The following SPTLC1 variants were observed in gnomAD, a reference collection of about 807,000 sequenced individuals.
SPTLC1 encodes the protein serine palmitoyltransferase long chain base subunit 1.
Under a neutral mutation model 68.9 loss-of-function variants are expected in SPTLC1, and 55 were observed. The ratio of observed to expected loss-of-function variants is 0.80; its 90% CI spans 0.64 to 1.00. SPTLC1 has a LOEUF of 1.00. Among genes scored for constraint, SPTLC1 ranks in the 50% least tolerant of loss-of-function variants. The probability of loss-of-function intolerance (pLI) is 0.00; values close to 1 mark genes in which losing one functional copy is unlikely to be tolerated. For synonymous variants in SPTLC1, 197 were observed against 201.6 expected, an observed-to-expected ratio of 0.98 and a Z score of 0.19; for missense variants, 449 against 573.1, an observed-to-expected ratio of 0.78 and a Z score of 2.21.
chr9:92,042,167 A>T lies in SPTLC1; in HGVS notation c.1137-3802T>A, dbSNP rs534012731. On this transcript the variant is annotated intron_variant, in intron 12 of 14. Transcript: ENST00000262554. ...TAAAAGCTACTCACCAAAAACCCAT[A>T]GCATGATGTTTTATACTTAATGAAG... 3.9e-5 allele frequency among the ~76,000 whole-genome samples: 6 copies of T among 152,338 alleles called. No homozygotes were observed. In the East Asian group the frequency reaches 1.2e-3, roughly 29 times the overall value.
At chr9:92,045,930 A>G in intron 12 of SPTLC1, 69 bp downstream of exon 12, 1 of 1,458,758 alleles carries the variant, frequency 6.9e-7, no homozygotes, top group Non-Finnish European at 9.5e-7. Context: ...TAGAAATTTA[A>G]AACTTTCCAT....
At chr9:92,039,800 G>A (rs540495486) in intron 12 of SPTLC1, among the ~76,000 whole-genome samples, 14 of 152,166 alleles carry the variant, frequency 9.2e-5, no homozygotes, top group African/African-American at 3.1e-4. Context: ...ATCTGACCTG[G>A]CCTTCCAATC....
intron 6 of SPTLC1, among the ~76,000 whole-genome samples, chr9:92,065,533 C>A: frequency 6.6e-6 from 1 of 151,260 alleles, no homozygotes; most frequent in South Asian, 2.1e-4. Context: ...AAAAAAAAAA[C>A]ACAATGTAGT....
intron 3 of SPTLC1, among the ~76,000 whole-genome samples, chr9:92,084,900 T>C (rs1245652051): frequency 6.6e-6 from 1 of 152,232 alleles, no homozygotes; most frequent in Non-Finnish European, 1.5e-5. Flanking sequence ...AAGCTATTGA[T>C]TATTGCCACA....
intron 3 of SPTLC1, among the ~76,000 whole-genome samples, chr9:92,106,257 A>T (rs543712972): frequency 1.5e-4 from 23 of 151,922 alleles, no homozygotes; most frequent in Admixed American, 7.2e-4. Context: ...CTTTTTAATT[A>T]AAAAAAAGGA....
chr9:92,108,666 A>G lies in SPTLC1; in HGVS notation c.260+74T>C. 1.0e-5 allele frequency: 16 copies of G among 1,585,474 alleles called. No homozygotes were observed. The South Asian group carries it at 1.8e-4, about 18-fold the overall frequency. On this transcript the variant is annotated intron_variant, in intron 3 of 14. Coordinates refer to ENST00000262554, the MANE Select transcript of SPTLC1 (RefSeq NM_006415.4). ...TTTCAGATAAAAAAAGGACTACTAC[A>G]TATAAAGCACTATAGACTGCAGGTT...
At chr9:92,060,292 T>C (rs751249709) in intron 6 of SPTLC1, among the ~76,000 whole-genome samples, 10 of 152,104 alleles carry the variant, frequency 6.6e-5, no homozygotes, top group Admixed American at 6.5e-5. Flanking sequence ...TTCCATCAAA[T>C]ATCCCTTATA....
Position 92,066,271 on chromosome 9 carries a change from G to A in SPTLC1, c.560+1695C>T, listed in dbSNP as rs148610792. 3.9e-5 allele frequency among the ~76,000 whole-genome samples: 6 copies of A among 152,336 alleles called. No homozygotes were observed. In the East Asian group the frequency reaches 1.2e-3, roughly 29 times the overall value. The stretch of plus-strand genomic sequence containing the variant: ...TGTGTGTGGGAGGGAGGCTTGAGAA[G>A]CAGGGTGACCTTGACAGGCAGTTTG... On this transcript the variant is annotated intron_variant, in intron 6 of 14. Transcript: ENST00000262554.
chr9:92,114,319 T>C (rs1836354946), intron 1 of SPTLC1, among the ~76,000 whole-genome samples: 1 of 152,176 alleles, frequency 6.6e-6, no homozygotes, highest in African/African-American at 2.4e-5. Context: ...TGAATAGCTC[T>C]GCAAGACAGC....
chr9:92,081,819 C>T (rs1261496376), intron 3 of SPTLC1, among the ~76,000 whole-genome samples: 1 of 152,136 alleles, frequency 6.6e-6, no homozygotes, highest in Non-Finnish European at 1.5e-5. Flanking sequence ...TACTGGGTTG[C>T]TCTATAAAAT....
chr9:92,065,059 G>A (rs1834235721), intron 6 of SPTLC1, among the ~76,000 whole-genome samples: 2 of 152,188 alleles, frequency 1.3e-5, no homozygotes, highest in Admixed American at 6.5e-5. Context: ...GAAACTGTTC[G>A]TTTTGCAAGA....
chr9:92,114,825 CAA>C (rs1411639343), intron 1 of SPTLC1: 2 of 168,958 alleles, frequency 1.2e-5, no homozygotes, highest in Non-Finnish European at 2.6e-5. Context: ...AGAAGAATGA[CAA>C]ACTATTTTTT....
At chr9:92,066,491 C>T (rs1027675873) in intron 6 of SPTLC1, among the ~76,000 whole-genome samples, 5 of 151,990 alleles carry the variant, frequency 3.3e-5, no homozygotes, top group African/African-American at 9.7e-5. Flanking sequence ...AGAGCATGTG[C>T]GTGGGCCCCA....
chr9:92,064,928 T>C (rs1042660468), intron 6 of SPTLC1, among the ~76,000 whole-genome samples: 1 of 152,222 alleles, frequency 6.6e-6, no homozygotes, highest in African/African-American at 2.4e-5. Flanking sequence ...AACAGATTAG[T>C]GGTTGCCAGG....
chr9:92,059,375 C>T, intron 6 of SPTLC1, 67 bp from the exon 7 acceptor site: 3 of 1,562,418 alleles, frequency 1.9e-6, no homozygotes, highest in South Asian at 1.1e-5. Flanking sequence ...AAAAGGAATG[C>T]TTGTTTTTGT....
At position 92,081,080 on chromosome 9, in the gene SPTLC1, G is replaced by A. The variant is rs1012460230; in HGVS notation, c.261-117C>T. The A allele has an allele frequency of 4.1e-6, 3 of 736,250 alleles. No individual in the cohort carries two copies. The Admixed American group carries it at 6.1e-5, about 15-fold the overall frequency. The allele number at this position is 736,250 out of a possible 1,614,324, so 45.6% of individuals were successfully genotyped here. ...GTCATCCTACCCTATTTGCATACTG[G>A]TCTTTGATTTCTTGTTTTTAAGAAG... On this transcript the variant is annotated intron_variant, in intron 3 of 14. Transcript: ENST00000262554.
intron 3 of SPTLC1, among the ~76,000 whole-genome samples, chr9:92,088,841 T>C (rs1353558652): frequency 3.3e-5 from 5 of 152,154 alleles, no homozygotes; most frequent in Non-Finnish European, 7.4e-5. Context: ...TAGGTCATAA[T>C]GGGCACTTGA....
chr9:92,072,482 T>C lies in SPTLC1; in HGVS notation c.428-4384A>G, dbSNP rs370907227. Among the ~76,000 whole-genome samples the C allele has an allele frequency of 9.5e-4, 145 of 152,242 alleles. 2 individuals carry two copies. The highest frequency in any genetic ancestry group is 3.1e-3 in the African/African-American group (130 of 41,546). On this transcript the variant is annotated intron_variant, in intron 5 of 14. Coordinates refer to ENST00000262554, the MANE Select transcript of SPTLC1 (RefSeq NM_006415.4). ...CCAGCCACACAACCCGGGACCTCCA[T>C]TGGGGATGCCCACTGAGGATGCTAG...
intron 8 of SPTLC1, among the ~76,000 whole-genome samples, chr9:92,054,235 C>T (rs954519606): frequency 3.9e-5 from 6 of 152,124 alleles, no homozygotes; most frequent in South Asian, 2.1e-4. Flanking sequence ...GAGCCGAGAT[C>T]GTGCCATTGC....
Sources: allele counts gnomAD v4.1 joint callset (sites outside exome capture counted in the v4.1 genomes callset), GRCh38; gene constraint gnomAD v4.1.1; transcripts MANE v1.5; gene names NCBI Gene and HGNC (gene_info 2026-07-23, HGNC 2026-07-21).